Variants in SUGCT observed in about 807,000 individuals in gnomAD.
SUGCT encodes succinyl-CoA:glutarate-CoA transferase.
SUGCT carries 41 observed loss-of-function variants against 55.0 expected under a neutral mutation model. The observed-to-expected ratio is 0.74, with a 90% CI of 0.58 to 0.97. The LOEUF is 0.97. SUGCT is among the 50% of genes least tolerant of loss of function. The probability of loss-of-function intolerance (pLI) is 0.00; values close to 1 mark genes in which losing one functional copy is unlikely to be tolerated. For synonymous variants in SUGCT, 187 were observed against 200.4 expected (o/e 0.93, Z 0.56); for missense variants, 568 against 547.8 (o/e 1.04, Z -0.37).
chr7:40,906,183 A>G, the SUGCT span, among the ~76,000 whole-genome samples: 1 of 151,086 alleles, frequency 6.6e-6, no homozygotes, highest in African/African-American at 2.4e-5. Context: ...CGTGGTGGAG[A>G]ACATTTTTGA....
chr7:40,360,230 T>A (rs1454020274), intron 9 of SUGCT, among the ~76,000 whole-genome samples: 1 of 152,212 alleles, frequency 6.6e-6, no homozygotes, highest in Non-Finnish European at 1.5e-5. Flanking sequence ...CCCAGGCTGG[T>A]CTAGAACTCC....
At chr7:40,513,449 G>A (rs182036130) in intron 12 of SUGCT, among the ~76,000 whole-genome samples, 266 of 152,184 alleles carry the variant, frequency 1.7e-3, no homozygotes, top group Non-Finnish European at 2.7e-3. Context: ...GGCCATTTAG[G>A]ATCATAAAAC....
chr7:40,952,649 G>T, the SUGCT span, among the ~76,000 whole-genome samples: 1 of 152,168 alleles, frequency 6.6e-6, no homozygotes, highest in Non-Finnish European at 1.5e-5. Flanking sequence ...GGCAGACCTG[G>T]TGGTGACAAA....
the SUGCT span, among the ~76,000 whole-genome samples, chr7:40,924,071 G>C: frequency 2.0e-5 from 3 of 152,170 alleles, no homozygotes; most frequent in African/African-American, 7.2e-5. Flanking sequence ...ATAGAAAGCA[G>C]TATCTATAAG....
chr7:40,467,855 G>A (rs1790203423), intron 11 of SUGCT, among the ~76,000 whole-genome samples: 2 of 151,764 alleles, frequency 1.3e-5, no homozygotes, highest in African/African-American at 4.8e-5. Flanking sequence ...TTTGTAGGTG[G>A]ATAAATAATT....
chr7:40,503,641 T>C (rs540230607), intron 12 of SUGCT, among the ~76,000 whole-genome samples: 1 of 152,140 alleles, frequency 6.6e-6, no homozygotes, highest in Admixed American at 6.5e-5. Flanking sequence ...TAAGATTATA[T>C]CTATGCTTTA....
chr7:40,854,448 C>CTT (rs909142143), intron 13 of SUGCT, among the ~76,000 whole-genome samples: 2 of 141,896 alleles, frequency 1.4e-5, no homozygotes, highest in African/African-American at 5.4e-5. Context: ...TTCTTTCTTT[C>CTT]TTTCTTTCTT....
chr7:40,474,402 G>T (rs561490178), intron 11 of SUGCT, among the ~76,000 whole-genome samples: 1 of 152,246 alleles, frequency 6.6e-6, no homozygotes, highest in East Asian at 1.9e-4. Context: ...TAAAAACTGT[G>T]TGTACATACT....
intron 11 of SUGCT, among the ~76,000 whole-genome samples, chr7:40,479,510 A>G (rs553474206): frequency 2.6e-5 from 4 of 152,240 alleles, no homozygotes; most frequent in East Asian, 3.9e-4. Flanking sequence ...TTACTTAGCA[A>G]TGCATTTCTG....
intron 13 of SUGCT, among the ~76,000 whole-genome samples, chr7:40,854,145 A>G (rs1793996304): frequency 6.6e-6 from 1 of 152,194 alleles, no homozygotes; most frequent in African/African-American, 2.4e-5. Context: ...TGATTTTTCC[A>G]TGCACTTTTT....
At chr7:40,932,510 T>A in the SUGCT span, among the ~76,000 whole-genome samples, 1 of 152,222 alleles carries the variant, frequency 6.6e-6, no homozygotes, top group Non-Finnish European at 1.5e-5. Flanking sequence ...ATCCGTCTAA[T>A]ACTGACAGTG....
chr7:40,274,420 C>CT (rs1584531717), intron 7 of SUGCT, 93 bp from the exon 8 acceptor site: 2 of 1,359,298 alleles, frequency 1.5e-6, no homozygotes, highest in Non-Finnish European at 2.0e-6. Flanking sequence ...ATAGACAATT[C>CT]TTTTTTCTAT....
At chr7:40,613,375 C>T (rs1798852678) in intron 12 of SUGCT, among the ~76,000 whole-genome samples, 1 of 152,152 alleles carries the variant, frequency 6.6e-6, no homozygotes, top group African/African-American at 2.4e-5. Flanking sequence ...TGTGTTTAGA[C>T]AGTTTATTCT....
At chr7:40,189,812 G>C (rs762319962) in intron 5 of SUGCT, among the ~76,000 whole-genome samples, 1 of 152,046 alleles carries the variant, frequency 6.6e-6, no homozygotes, top group Non-Finnish European at 1.5e-5. Flanking sequence ...AGCTACTATT[G>C]ACTGAGCACC....
At chr7:40,531,080 T>C (rs1219010297) in intron 12 of SUGCT, among the ~76,000 whole-genome samples, 4 of 152,214 alleles carry the variant, frequency 2.6e-5, no homozygotes, top group Non-Finnish European at 5.9e-5. Flanking sequence ...TTAGTCCCTA[T>C]TACCCAAGTA....
the SUGCT span, among the ~76,000 whole-genome samples, chr7:40,934,110 A>G: frequency 3.3e-5 from 5 of 152,042 alleles, no homozygotes; most frequent in African/African-American, 1.2e-4. Context: ...TGACCTACAG[A>G]TGGGGTTTTG....
At chr7:40,140,079 T>A (rs776245152) in intron 1 of SUGCT, among the ~76,000 whole-genome samples, 1 of 151,976 alleles carries the variant, frequency 6.6e-6, no homozygotes, top group African/African-American at 2.4e-5. Context: ...ATTTTTTGTG[T>A]GTTTAGTAGA....
chr7:40,496,244 C>A (rs1217508714), intron 11 of SUGCT, 40 bp from the exon 12 acceptor site: 1 of 1,347,204 alleles, frequency 7.4e-7, no homozygotes, highest in Non-Finnish European at 1.1e-6. Flanking sequence ...GTGTTACATT[C>A]CTTCCTGTGT....
At chr7:40,489,728 CAAA>C (rs993456813) in intron 11 of SUGCT, among the ~76,000 whole-genome samples, 13 of 151,694 alleles carry the variant, frequency 8.6e-5, no homozygotes, top group African/African-American at 3.1e-4. Flanking sequence ...CAGAACAAAA[CAAA>C]AAACACACAC....
Sources: allele counts gnomAD v4.1 joint callset (sites outside exome capture counted in the v4.1 genomes callset), GRCh38; gene constraint gnomAD v4.1.1; transcripts MANE v1.5; gene names NCBI Gene and HGNC (gene_info 2026-07-23, HGNC 2026-07-21).